Variants in WIPI2 observed in about 807,000 individuals in gnomAD.
WIPI2 encodes WD repeat domain phosphoinositide-interacting protein 2.
A neutral mutation model predicts 52.3 loss-of-function variants in WIPI2; 28 were observed. That is an observed-to-expected ratio of 0.54 (90% CI 0.40 to 0.73). The LOEUF is 0.73. Ranked by LOEUF, WIPI2 falls within the 30% of genes least tolerant of loss-of-function variation. The pLI is 0.00. For missense variants in WIPI2, 506 were observed against 602.9 expected, an observed-to-expected ratio of 0.84 and a Z score of 1.68; for synonymous variants, 268 against 245.0, an observed-to-expected ratio of 1.09 and a Z score of -0.88.
intron 4 of WIPI2, among the ~76,000 whole-genome samples, chr7:5,215,327 A>G (rs933828229): frequency 4.6e-5 from 7 of 152,208 alleles, no homozygotes; most frequent in Non-Finnish European, 8.8e-5. Context: ...AAAAACTTAC[A>G]GACTTTTTTT....
chr7:5,206,730 C>G (rs1782312993), intron 3 of WIPI2, among the ~76,000 whole-genome samples: 2 of 152,080 alleles, frequency 1.3e-5, no homozygotes, highest in Admixed American at 6.6e-5. Flanking sequence ...CTATACTTGT[C>G]CTAACACACA....
chr7:5,209,932 G>C (rs574369162), intron 3 of WIPI2, among the ~76,000 whole-genome samples: 1 of 151,944 alleles, frequency 6.6e-6, no homozygotes, highest in East Asian at 1.9e-4. Context: ...TTTTTTGGTG[G>C]AGTCTCGTTG....
chr7:5,215,954 A>G (rs942223244), intron 4 of WIPI2, among the ~76,000 whole-genome samples: 6 of 152,232 alleles, frequency 3.9e-5, no homozygotes, highest in South Asian at 2.1e-4. Context: ...ACTCAGCATC[A>G]GTTTTAAAAA....
Position 5,230,674 on chromosome 7 carries a change from C to T in WIPI2, c.1253-161C>T, listed in dbSNP as rs990307511. Among the ~76,000 whole-genome samples the T allele has an allele frequency of 5.3e-5, 8 of 152,222 alleles. No homozygotes were observed. The highest frequency in any genetic ancestry group is 1.7e-4 in the African/African-American group (7 of 41,456). On this transcript the variant is annotated intron_variant, in intron 12 of 12. Transcript: ENST00000288828. This position sits in a 1 kb window ranked among gnomAD's most constrained non-coding sequence, Gnocchi z 4.8. Reference sequence around the variant, plus strand: ...CTTCATCTCGAGCTGCCTAAGGCTGCAAAGAGTTCATTAGAAAGCAATCAG... The same window carrying T: ...CTTCATCTCGAGCTGCCTAAGGCTGTAAAGAGTTCATTAGAAAGCAATCAG...
intron 11 of WIPI2, among the ~76,000 whole-genome samples, chr7:5,228,618 T>C (rs961496986): frequency 6.6e-6 from 1 of 152,266 alleles, no homozygotes; most frequent in Non-Finnish European, 1.5e-5. Context: ...CTTGTCTCAC[T>C]GTGAGGTACA....
chr7:5,229,840 A>C, intron 12 of WIPI2, 102 bp downstream of exon 12: 1 of 1,505,966 alleles, frequency 6.6e-7, no homozygotes, highest in East Asian at 2.4e-5. Flanking sequence ...CCTCACTGGG[A>C]AAGATGGGGA....
intron 3 of WIPI2, among the ~76,000 whole-genome samples, chr7:5,199,919 C>T (rs1454390504): frequency 6.6e-6 from 1 of 152,192 alleles, no homozygotes; most frequent in Non-Finnish European, 1.5e-5. Context: ...TGAGCACATA[C>T]CATGTGTACT....
chr7:5,220,855 G>A (rs960491812), intron 7 of WIPI2, among the ~76,000 whole-genome samples: 21 of 151,568 alleles, frequency 1.4e-4, no homozygotes, highest in Admixed American at 1.2e-3. Flanking sequence ...GTGCAATGGC[G>A]CGATCTCAGC....
Position 5,224,796 on chromosome 7 carries a change from C to T in WIPI2, c.741-1027C>T, listed in dbSNP as rs557998868. On this transcript the variant is annotated intron_variant, in intron 8 of 12. Transcript: ENST00000288828. ...CTCCCAAAGTTAATTCAGCCTATGC[C>T]CGGGGAGGAACAAGGACGGCTTGGA... is the stretch of plus-strand genomic sequence containing the variant. Among the ~76,000 whole-genome samples the T allele has an allele frequency of 1.1e-4, 17 of 152,248 alleles. No homozygotes were observed. In the South Asian group the frequency reaches 3.1e-3, roughly 28 times the overall value.
Position 5,231,903 on chromosome 7 carries a change from CAG to C in WIPI2, c.*961_*962del. On this transcript the variant is annotated 3_prime_UTR_variant, in exon 13 of 13. Transcript: ENST00000288828. ...GAGAGGTCGTAGCGGGAGACAGCAA[CAG>C]AGAGTAGGCGGCTGGGCCACGTCCT... The C allele has an allele frequency of 3.3e-6, 1 of 303,454 alleles. No individual in the cohort carries two copies. The highest frequency in any genetic ancestry group is 6.0e-6 in the Non-Finnish European group (1 of 165,870). 18.8% of individuals were successfully genotyped at this position (303,454 alleles called of 1,614,324 possible).
intron 2 of WIPI2, among the ~76,000 whole-genome samples, chr7:5,199,336 C>G (rs763228726): frequency 2.1e-4 from 32 of 152,228 alleles, no homozygotes; most frequent in Non-Finnish European, 4.1e-4. Context: ...GCCACCACAT[C>G]CAGCCTCAGA....
chr7:5,196,219 A>G (rs1472022014), intron 2 of WIPI2, among the ~76,000 whole-genome samples: 1 of 151,714 alleles, frequency 6.6e-6, no homozygotes, highest in Non-Finnish European at 1.5e-5. Flanking sequence ...CATGCCTCTA[A>G]TCCCAGCTAC....
Position 5,218,029 on chromosome 7 carries a change from C to T in WIPI2, c.669+15C>T. 1 of 1,613,720 alleles carries T rather than the reference C, an allele frequency of 6.2e-7. No homozygotes were observed. The highest frequency in any genetic ancestry group is 1.1e-5 in the South Asian group (1 of 91,068). On this transcript the variant is annotated intron_variant, in intron 7 of 12. Transcript: ENST00000288828. ...CTTCGGAGAAGGTGAGTCTGCTTTT[C>T]CCCGGGGGAGCACTGGTGCCAAGGC...
chr7:5,225,998 G>A, intron 9 of WIPI2, 68 bp downstream of exon 9: 1 of 1,482,398 alleles, frequency 6.7e-7, no homozygotes, highest in Non-Finnish European at 9.2e-7. Context: ...CTGCCGGGAT[G>A]AGAGGTAAGC....
intron 1 of WIPI2, among the ~76,000 whole-genome samples, chr7:5,191,491 A>G (rs1043273358): frequency 6.6e-6 from 1 of 152,182 alleles, no homozygotes; most frequent in Non-Finnish European, 1.5e-5. Context: ...CCTCAGGGCA[A>G]GAGAAGGCCT....
At chr7:5,195,224 C>T (rs551380087) in intron 2 of WIPI2, among the ~76,000 whole-genome samples, 5 of 152,322 alleles carry the variant, frequency 3.3e-5, no homozygotes, top group South Asian at 2.1e-4. Flanking sequence ...CAGTGGCTCA[C>T]GCCTGTAATC....
intron 3 of WIPI2, among the ~76,000 whole-genome samples, chr7:5,207,410 G>A (rs139574056): frequency 1.3e-4 from 20 of 152,126 alleles, no homozygotes; most frequent in African/African-American, 4.8e-4. Context: ...TGATATGAAT[G>A]GAGCATCTAC....
intron 2 of WIPI2, among the ~76,000 whole-genome samples, chr7:5,197,246 A>G (rs943358256): frequency 6.6e-6 from 1 of 151,920 alleles, no homozygotes; most frequent in Admixed American, 6.6e-5. Flanking sequence ...TTTTAAGGAC[A>G]CAGGAAGGTA....
chr7:5,199,595 A>G lies in WIPI2; in HGVS notation c.148A>G (p.Lys50Glu). 1 of 1,613,540 alleles carries G rather than the reference A, an allele frequency of 6.2e-7. No individual in the cohort carries two copies. Among genetic ancestry groups the G allele is most frequent in the Non-Finnish European group, 8.5e-7 (1 of 1,179,902 alleles). ...AVVWSLAVGSKSGYKFFSLSS... is the reference protein window; with the variant it reads ...AVVWSLAVGSESGYKFFSLSS... ...TTGCAGGTCCCTAGCTGTTGGTAGT[A>G]AGTCCGGTTATAAATTTTTCTCCCT... is the stretch of plus-strand genomic sequence containing the variant. The change falls in exon 3 of 13, where the codon AAG becomes GAG. Residue 50 changes from lysine (K) to glutamate (E), a missense_variant. Physicochemically the swap from Lys to Glu is moderately conservative, Grantham distance 56 (BLOSUM62 1). Transcript: ENST00000288828.
Sources: allele counts gnomAD v4.1 joint callset (sites outside exome capture counted in the v4.1 genomes callset), GRCh38; gene constraint gnomAD v4.1.1; non-coding constraint Gnocchi (gnomAD v3.1); transcripts MANE v1.5; gene names NCBI Gene and HGNC (gene_info 2026-07-23, HGNC 2026-07-21).